The following CREB1 variants were observed in gnomAD, a reference collection of about 807,000 sequenced individuals.
The protein encoded by CREB1 is cAMP responsive element binding protein 1.
CREB1 carries 2 observed loss-of-function variants against 42.0 expected under a neutral mutation model. The ratio of observed to expected loss-of-function variants is 0.05; its 90% CI spans 0.02 to 0.15. The LOEUF (loss-of-function observed/expected upper bound fraction) is 0.15. CREB1 is among the 10% of genes least tolerant of loss of function. The probability of loss-of-function intolerance (pLI) is 1.00; values close to 1 mark genes in which losing one functional copy is unlikely to be tolerated. For missense variants in CREB1, 199 were observed against 388.9 expected (o/e 0.51, Z 4.11); for synonymous variants, 123 against 139.9 (o/e 0.88, Z 0.85).
chr2:207,593,909 G>A (rs1482559651), intron 7 of CREB1, among the ~76,000 whole-genome samples: 1 of 151,980 alleles, frequency 6.6e-6, no homozygotes, highest in Non-Finnish European at 1.5e-5. Context: ...AGTAGAGACA[G>A]AGTTTCGCCA....
At chr2:207,586,346 T>C (rs1048276285) in intron 7 of CREB1, among the ~76,000 whole-genome samples, 41 of 152,228 alleles carry the variant, frequency 2.7e-4, no homozygotes, top group African/African-American at 9.6e-4. Context: ...ATCAATGGTA[T>C]TGGGAAACCT....
Position 207,602,367 on chromosome 2 carries a change from T to A in CREB1, c.*5309T>A, listed in dbSNP as rs2087214974. 4.9e-6 allele frequency: 1 copy of A among 202,252 alleles called. No individual in the cohort carries two copies. Among genetic ancestry groups the A allele is most frequent in the Non-Finnish European group, 1.0e-5 (1 of 98,450 alleles). 12.5% of individuals were successfully genotyped at this position (202,252 alleles called of 1,614,324 possible). Reference sequence around the variant, plus strand: ...TGGTACGGTGGGTGCAGGTCCCAGCTGGGTATGACATGATACATTTTTAAT... The same window carrying A: ...TGGTACGGTGGGTGCAGGTCCCAGCAGGGTATGACATGATACATTTTTAAT... On this transcript the variant is annotated 3_prime_UTR_variant, in exon 8 of 8. Coordinates refer to ENST00000353267, the MANE Select transcript of CREB1 (RefSeq NM_004379.5).
intron 1 of CREB1, 86 bp from the exon 2 acceptor site, chr2:207,555,542 A>G (rs2081682437): frequency 1.4e-6 from 1 of 710,808 alleles, no homozygotes; most frequent in South Asian, 1.8e-5. Context: ...CCACATATAT[A>G]CCTATTTATA....
intron 6 of CREB1, chr2:207,576,991 T>G (rs1239321895): frequency 1.1e-6 from 1 of 893,062 alleles, no homozygotes; most frequent in Middle Eastern, 5.7e-4. Context: ...GTGATACACT[T>G]TTTCATACTT....
At chr2:207,586,064 C>T (rs2551645) in intron 7 of CREB1, among the ~76,000 whole-genome samples, 83,255 of 151,976 alleles carry the variant, frequency 0.55, 24,459 homozygotes, top group Middle Eastern at 0.71. Context: ...CTAAGACACA[C>T]TATTTTCAAA....
rs542309904 is a variant in CREB1 at position 207,595,963 on chromosome 2, G to C, written c.840-951G>C. Among the ~76,000 whole-genome samples the C allele has an allele frequency of 2.0e-4, 30 of 152,268 alleles. 1 individual carries two copies. The South Asian group carries it at 5.8e-3, about 29-fold the overall frequency. On this transcript the variant is annotated intron_variant, in intron 7 of 7. Coordinates refer to ENST00000353267, the MANE Select transcript of CREB1 (RefSeq NM_004379.5). ...TTCACTATTTATTGTCTTTCGATGTGCAGAAGTTTTTTAGTTGGATATAGT... is the reference window on the plus strand; with the variant it reads ...TTCACTATTTATTGTCTTTCGATGTCCAGAAGTTTTTTAGTTGGATATAGT...
intron 1 of CREB1, among the ~76,000 whole-genome samples, chr2:207,531,891 C>T (rs1438890571): frequency 6.6e-6 from 1 of 152,126 alleles, no homozygotes; most frequent in Non-Finnish European, 1.5e-5. Context: ...GGCAATTTGT[C>T]ATTTCCAAGA....
chr2:207,596,701 G>A (rs2086238679), intron 7 of CREB1, among the ~76,000 whole-genome samples: 1 of 152,202 alleles, frequency 6.6e-6, no homozygotes, highest in African/African-American at 2.4e-5. Flanking sequence ...CGAAAGTGCT[G>A]GGATTACAGG....
At chr2:207,536,491 G>A (rs562510952) in intron 1 of CREB1, among the ~76,000 whole-genome samples, 1 of 152,294 alleles carries the variant, frequency 6.6e-6, no homozygotes, top group South Asian at 2.1e-4. Context: ...GAAGGCAGAG[G>A]TTGCAGTGAG....
chr2:207,538,126 C>G (rs1373787154), intron 1 of CREB1, among the ~76,000 whole-genome samples: 25 of 152,118 alleles, frequency 1.6e-4, no homozygotes. Flanking sequence ...CATGTCAGTG[C>G]TCAAAAAGTT....
intron 6 of CREB1, chr2:207,576,937 T>C: frequency 4.6e-6 from 4 of 873,558 alleles, no homozygotes; most frequent in Non-Finnish European, 5.5e-6. Context: ...CATTATCATT[T>C]ACATTAAAAC....
At chr2:207,544,049 AG>A (rs1178933258) in intron 1 of CREB1, among the ~76,000 whole-genome samples, 1 of 152,152 alleles carries the variant, frequency 6.6e-6, no homozygotes, top group East Asian at 1.9e-4. Flanking sequence ...CCTCCTGAGT[AG>A]CTGGGACTAC....
chr2:207,531,354 A>T (rs536657058), intron 1 of CREB1, among the ~76,000 whole-genome samples: 4 of 152,236 alleles, frequency 2.6e-5, no homozygotes, highest in Admixed American at 2.0e-4. Context: ...AATAGACATT[A>T]AAGTATCCAT....
intron 1 of CREB1, among the ~76,000 whole-genome samples, chr2:207,554,738 C>T (rs1275317361): frequency 1.3e-5 from 2 of 152,134 alleles, no homozygotes; most frequent in African/African-American, 4.8e-5. Context: ...CAGAATTTTA[C>T]AATTAAAATA....
intron 1 of CREB1, among the ~76,000 whole-genome samples, chr2:207,538,730 T>C (rs375494608): frequency 6.6e-6 from 1 of 152,212 alleles, no homozygotes; most frequent in Non-Finnish European, 1.5e-5. Context: ...GAAAGTTGAC[T>C]TATACCAATG....
Position 207,598,069 on chromosome 2 carries a change from A to G in CREB1, c.*1011A>G, listed in dbSNP as rs567189493. On this transcript the variant is annotated 3_prime_UTR_variant, in exon 8 of 8. Coordinates refer to ENST00000353267, the MANE Select transcript of CREB1 (RefSeq NM_004379.5). ...TCAAGATGTCAAATAAAGCAAAGTG[A>G]TATATATTTGTTTATGAAATGTTAC... The G allele has an allele frequency of 1.7e-5, 3 of 181,136 alleles. No individual in the cohort carries two copies. In the South Asian group the frequency reaches 5.9e-4, roughly 36 times the overall value. 11.2% of individuals were successfully genotyped at this position (181,136 alleles called of 1,614,324 possible). A position where few individuals can be genotyped will look rare whatever the true frequency, so the allele number is the denominator to read the frequency against.
chr2:207,545,803 G>GGCTCACTGCAACCTCT (rs2081282086), intron 1 of CREB1, among the ~76,000 whole-genome samples: 1 of 150,352 alleles, frequency 6.7e-6, no homozygotes, highest in Non-Finnish European at 1.5e-5. Flanking sequence ...GCGCAATCTC[G>GGCTCACTGCAACCTCT]GCTCACTGCA....
At chr2:207,561,209 G>T (rs780189583) in intron 3 of CREB1, 2 of 1,471,582 alleles carry the variant, frequency 1.4e-6, no homozygotes, top group South Asian at 1.2e-5. Context: ...AGAAAGGAAG[G>T]TGAGAAATTA....
chr2:207,556,822 T>C (rs1007631739), intron 2 of CREB1, among the ~76,000 whole-genome samples: 2 of 152,128 alleles, frequency 1.3e-5, no homozygotes, highest in Non-Finnish European at 2.9e-5. Flanking sequence ...ATCTGTATAT[T>C]TTGCCCTTTA....
Sources: allele counts gnomAD v4.1 joint callset (sites outside exome capture counted in the v4.1 genomes callset), GRCh38; gene constraint gnomAD v4.1.1; transcripts MANE v1.5; gene names NCBI Gene and HGNC (gene_info 2026-07-23, HGNC 2026-07-21).